The following MYO5B variants were observed in gnomAD, a reference collection of about 807,000 sequenced individuals.
MYO5B encodes myosin VB, also known as unconventional myosin-Vb.
A neutral mutation model predicts 229.3 loss-of-function variants in MYO5B; 143 were observed. That is an observed-to-expected ratio of 0.62 (90% CI 0.54 to 0.72). The LOEUF (loss-of-function observed/expected upper bound fraction) is 0.72, where lower values mean the gene tolerates loss of function less well. Ranked by LOEUF, MYO5B falls within the 30% of genes least tolerant of loss-of-function variation. The pLI is 0.00. For missense variants in MYO5B, 2,321 were observed against 2,331.0 expected (o/e 1.00, Z 0.09); for synonymous variants, 918 against 885.2 (o/e 1.04, Z -0.66).
At chr18:50,165,144 G>A (rs528546762) in intron 1 of MYO5B, among the ~76,000 whole-genome samples, 1 of 152,352 alleles carries the variant, frequency 6.6e-6, no homozygotes, top group South Asian at 2.1e-4. Context: ...ACTCAGGGGA[G>A]AGATGCATCT....
intron 4 of MYO5B, among the ~76,000 whole-genome samples, chr18:50,011,976 G>T (rs2026165858): frequency 6.6e-6 from 1 of 151,994 alleles, no homozygotes; most frequent in Non-Finnish European, 1.5e-5. Context: ...GACAGCATAG[G>T]TAGTGTTCAG....
At chr18:50,092,589 C>A (rs1051760163) in intron 1 of MYO5B, among the ~76,000 whole-genome samples, 1 of 152,056 alleles carries the variant, frequency 6.6e-6, no homozygotes, top group African/African-American at 2.4e-5. Flanking sequence ...TTATAAAGAC[C>A]AGAAACCACG....
intron 1 of MYO5B, among the ~76,000 whole-genome samples, chr18:50,069,090 G>A (rs2030891094): frequency 6.6e-6 from 1 of 152,022 alleles, no homozygotes; most frequent in Non-Finnish European, 1.5e-5. Context: ...TCAGTGCCTA[G>A]CCCAAGAACA....
chr18:49,920,509 G>A (rs2025062441), intron 17 of MYO5B, among the ~76,000 whole-genome samples: 1 of 152,040 alleles, frequency 6.6e-6, no homozygotes, highest in Non-Finnish European at 1.5e-5. Context: ...GGGCCTCCTA[G>A]GGGAACACAG....
intron 26 of MYO5B, among the ~76,000 whole-genome samples, chr18:49,872,954 T>C (rs770228894): frequency 6.6e-6 from 1 of 152,224 alleles, no homozygotes; most frequent in Non-Finnish European, 1.5e-5. Context: ...GTAACAAGGC[T>C]AACAAGTTAC....
At chr18:50,105,517 G>A (rs189586312) in intron 1 of MYO5B, among the ~76,000 whole-genome samples, 7 of 152,264 alleles carry the variant, frequency 4.6e-5, no homozygotes, top group Middle Eastern at 3.4e-3. Flanking sequence ...CTTAAGTTCC[G>A]TACTTCATGA....
chr18:50,125,566 C>T (rs1009414613), intron 1 of MYO5B, among the ~76,000 whole-genome samples: 4 of 152,134 alleles, frequency 2.6e-5, no homozygotes, highest in Admixed American at 1.3e-4. Flanking sequence ...AGCAAACACT[C>T]ATATATAGTG....
intron 3 of MYO5B, among the ~76,000 whole-genome samples, chr18:50,037,236 C>A (rs916967444): frequency 1.1e-4 from 13 of 119,910 alleles, no homozygotes. Flanking sequence ...CACACACACA[C>A]TCACTCACAA....
At chr18:49,904,345 A>T (rs943852646) in intron 20 of MYO5B, among the ~76,000 whole-genome samples, 2 of 152,156 alleles carry the variant, frequency 1.3e-5, no homozygotes, top group Non-Finnish European at 2.9e-5. Flanking sequence ...TCCCACCATG[A>T]GTGGAAGCAG....
intron 1 of MYO5B, among the ~76,000 whole-genome samples, chr18:50,173,084 C>A (rs746128711): frequency 6.6e-6 from 1 of 151,900 alleles, no homozygotes; most frequent in Non-Finnish European, 1.5e-5. Context: ...GCCAACACGG[C>A]GAACCCCGTC....
intron 4 of MYO5B, among the ~76,000 whole-genome samples, chr18:50,033,663 A>G (rs2026415443): frequency 6.6e-6 from 1 of 152,194 alleles, no homozygotes; most frequent in African/African-American, 2.4e-5. Flanking sequence ...AAGGAGGAGT[A>G]GAAAGCACAC....
At chr18:50,090,298 ATGCC>A (rs2031420153) in intron 1 of MYO5B, among the ~76,000 whole-genome samples, 1 of 149,388 alleles carries the variant, frequency 6.7e-6, no homozygotes, top group Non-Finnish European at 1.5e-5. Context: ...AACCAAGATC[ATGCC>A]ACCACACTCC....
chr18:50,001,172 C>T, intron 5 of MYO5B, 83 bp downstream of exon 5: 1 of 1,570,986 alleles, frequency 6.4e-7, no homozygotes, highest in South Asian at 1.1e-5. Context: ...GTGAAGGCTG[C>T]CACCCAGGCT....
intron 16 of MYO5B, among the ~76,000 whole-genome samples, chr18:49,935,672 CTACAGAT>C (rs2025241462): frequency 6.6e-6 from 1 of 152,172 alleles, no homozygotes; most frequent in Non-Finnish European, 1.5e-5. Flanking sequence ...ATTAAGAGTT[CTACAGAT>C]TAGGGTGAGG....
intron 1 of MYO5B, among the ~76,000 whole-genome samples, chr18:50,123,345 GGAGT>G (rs1267509602): frequency 1.3e-5 from 2 of 152,268 alleles, no homozygotes; most frequent in East Asian, 3.9e-4. Context: ...CTAGAGAGAG[GGAGT>G]GTTTGCACAA....
chr18:50,024,317 G>A (rs2026308363), intron 4 of MYO5B, among the ~76,000 whole-genome samples: 1 of 151,966 alleles, frequency 6.6e-6, no homozygotes, highest in Admixed American at 6.6e-5. Context: ...CAAGGTCAGG[G>A]GTGCAGTCAT....
chr18:50,010,376 G>A (rs2026148914), intron 4 of MYO5B, among the ~76,000 whole-genome samples: 1 of 152,182 alleles, frequency 6.6e-6, no homozygotes, highest in African/African-American at 2.4e-5. Flanking sequence ...AACCCGGGGA[G>A]TGCCACCCAG....
At chr18:49,836,657 G>A in intron 38 of MYO5B, 54 bp downstream of exon 38, 3 of 1,596,636 alleles carry the variant, frequency 1.9e-6, no homozygotes, top group Non-Finnish European at 2.6e-6. Context: ...GACTTGGAAT[G>A]GACTCAGGGC....
At chr18:50,136,745 C>T (rs2032342670) in intron 1 of MYO5B, among the ~76,000 whole-genome samples, 1 of 152,178 alleles carries the variant, frequency 6.6e-6, no homozygotes, top group African/African-American at 2.4e-5. Flanking sequence ...CCTCATTTAA[C>T]TTCTCTCAAA....
Sources: allele counts gnomAD v4.1 joint callset (sites outside exome capture counted in the v4.1 genomes callset), GRCh38; gene constraint gnomAD v4.1.1; transcripts MANE v1.5; gene names NCBI Gene and HGNC (gene_info 2026-07-23, HGNC 2026-07-21).